HHIP: variants seen among roughly 807,000 people sequenced by gnomAD.
The protein encoded by HHIP is hedgehog interacting protein, also known as hedgehog-interacting protein.
In HHIP, 12 loss-of-function variants were observed where a neutral mutation model predicts 74.0. The observed-to-expected ratio is 0.16, with a 90% CI of 0.10 to 0.26. The LOEUF (loss-of-function observed/expected upper bound fraction) is 0.26, where lower values mean the gene tolerates loss of function less well. Among genes scored for constraint, HHIP ranks in the 10% least tolerant of loss-of-function variants. The pLI is 1.00. For synonymous variants in HHIP, 309 were observed against 311.6 expected (o/e 0.99, Z 0.09); for missense variants, 788 against 845.0 (o/e 0.93, Z 0.84).
intron 4 of HHIP, among the ~76,000 whole-genome samples, chr4:144,671,332 T>C (rs1032853235): frequency 1.4e-5 from 2 of 142,728 alleles, no homozygotes; most frequent in Non-Finnish European, 3.1e-5. Context: ...TTTTTTTTTT[T>C]CTTAAGATTT....
intron 4 of HHIP, among the ~76,000 whole-genome samples, chr4:144,688,942 T>C (rs1311886170): frequency 6.6e-6 from 1 of 152,196 alleles, no homozygotes; most frequent in Non-Finnish European, 1.5e-5. Context: ...CTAGGGACGA[T>C]GCCATACCAG....
chr4:144,660,938 A>G (rs1728695780), intron 4 of HHIP, among the ~76,000 whole-genome samples: 1 of 152,200 alleles, frequency 6.6e-6, no homozygotes, highest in Non-Finnish European at 1.5e-5. Flanking sequence ...ATATTTTCAG[A>G]TATTTGAGAA....
At chr4:144,729,778 A>C (rs1196881781) in intron 11 of HHIP, among the ~76,000 whole-genome samples, 1 of 151,192 alleles carries the variant, frequency 6.6e-6, no homozygotes, top group Non-Finnish European at 1.5e-5. Flanking sequence ...GACAGGCTAC[A>C]GAATTATTAC....
At position 144,691,906 on chromosome 4, in the gene HHIP, AT is replaced by A. The variant is rs111896944; in HGVS notation, c.832-14621del. 7.3e-3 allele frequency among the ~76,000 whole-genome samples: 1,104 copies of A among 151,554 alleles called. 18 individuals carry two copies. Among genetic ancestry groups the A allele is most frequent in the African/African-American group, 0.025 (1,030 of 41,476 alleles). ...GAAACTACCAAAATAGAAAAAAAAA[AT>A]TTTCCTATTAAAATGGAAAAAGTCT... On this transcript the variant is annotated intron_variant, in intron 4 of 12. Transcript: ENST00000296575.
Position 144,646,926 on chromosome 4 carries a change from G to T in HHIP, c.251G>T (p.Ser84Ile), listed in dbSNP as rs1291218410. ...PRLSCCLRSD[S>I]PGLGRLENKI... ...CTGTCCTGCTGCCTGCGGAGTGACA[G>T]CCCGGGGCTAGGGCGCCTGGAGAAT... is the stretch of plus-strand genomic sequence containing the variant. The change falls in exon 1 of 13, where the codon AGC becomes ATC. Residue 84 changes from serine to isoleucine, a missense_variant. By Grantham distance (142) the Ser-to-Ile change is moderately radical. Transcript: ENST00000296575. 1 of 1,612,812 alleles carries T rather than the reference G, an allele frequency of 6.2e-7. No individual in the cohort carries two copies. Among genetic ancestry groups the T allele is most frequent in the South Asian group, 1.1e-5 (1 of 90,990 alleles).
chr4:144,714,697 T>C (rs998987333), intron 9 of HHIP, among the ~76,000 whole-genome samples: 9 of 152,200 alleles, frequency 5.9e-5, no homozygotes, highest in African/African-American at 2.2e-4. Context: ...TGTATAAATA[T>C]TTTAAAAATT....
At chr4:144,710,685 C>T (rs1362764773) in intron 7 of HHIP, among the ~76,000 whole-genome samples, 1 of 152,066 alleles carries the variant, frequency 6.6e-6, no homozygotes, top group African/African-American at 2.4e-5. Context: ...TGTCTGGGAA[C>T]ATTTTTGGTT....
chr4:144,685,117 A>G (rs935901977), intron 4 of HHIP, among the ~76,000 whole-genome samples: 1 of 152,156 alleles, frequency 6.6e-6, no homozygotes, highest in Non-Finnish European at 1.5e-5. Flanking sequence ...GATCATACCA[A>G]TATCATTTTC....
intron 4 of HHIP, among the ~76,000 whole-genome samples, chr4:144,664,196 T>A (rs971625494): frequency 6.6e-6 from 1 of 152,206 alleles, no homozygotes; most frequent in Admixed American, 6.5e-5. Context: ...TTAGAAGCAG[T>A]CCTTTAACCA....
rs201925393 is a variant in HHIP at position 144,658,860 on chromosome 4, A to T, written c.543A>T (p.Pro181=). 1.2e-6 allele frequency: 2 copies of T among 1,613,734 alleles called. No homozygotes were observed. Among genetic ancestry groups the T allele is most frequent in the Non-Finnish European group, 1.7e-6 (2 of 1,179,810 alleles). ...GAAAAGATGGTGGGTTGTGCTTTCCAGATTTTCCAAGAAAACAAGTCAGAG... is the reference window on the plus strand; with the variant it reads ...GAAAAGATGGTGGGTTGTGCTTTCCTGATTTTCCAAGAAAACAAGTCAGAG... ...YARKDGGLCF[P]DFPRKQVRGP... The change falls in exon 3 of 13, where the codon CCA becomes CCT. Residue 181 remains proline, a synonymous_variant. Transcript: ENST00000296575.
chr4:144,668,834 C>A (rs1008079132), intron 4 of HHIP, among the ~76,000 whole-genome samples: 1 of 152,006 alleles, frequency 6.6e-6, no homozygotes, highest in Non-Finnish European at 1.5e-5. Flanking sequence ...TACAGTAGAC[C>A]CTCTTTCTAT....
At chr4:144,671,972 A>G (rs372076910) in intron 4 of HHIP, among the ~76,000 whole-genome samples, 2 of 152,294 alleles carry the variant, frequency 1.3e-5, no homozygotes, top group South Asian at 2.1e-4. Flanking sequence ...CAACACTTCA[A>G]GACTCCATCA....
chr4:144,652,663 C>T lies in HHIP; in HGVS notation c.338C>T (p.Ala113Val). The change falls in exon 2 of 13, where the codon GCA (alanine) becomes GTA (valine). Residue 113 changes from alanine to valine, a missense_variant. Physicochemically the swap from Ala to Val is moderately conservative, Grantham distance 64. Transcript: ENST00000296575. ...AAGTTACTGGAGGAAATCAAATGTG[C>T]ACTTTGCTCTCCACATTCTCAAAGC... ...CGKLLEEIKC[A>V]LCSPHSQSLF... is the part of the protein sequence containing the mutation. 2 of 1,609,888 alleles carry T rather than the reference C, an allele frequency of 1.2e-6. No individual in the cohort carries two copies. The highest frequency in any genetic ancestry group is 1.7e-6 in the Non-Finnish European group (2 of 1,176,588).
Position 144,646,777 on chromosome 4 carries a change from AAGG to A in HHIP, c.108_110del (p.Arg38del), listed in dbSNP as rs776584343. 1.7e-4 allele frequency: 270 copies of A among 1,614,188 alleles called. 1 individual carries two copies. The South Asian group carries it at 2.7e-3, about 16-fold the overall frequency. ...GGGAAAGAAACGAAGGGAGCGGAGC[AAGG>A]AGGAGAAGGTGCCTGAATGGGAACC... is the stretch of plus-strand genomic sequence containing the variant. On this transcript the variant is annotated inframe_deletion, in exon 1 of 13. Coordinates refer to ENST00000296575, the MANE Select transcript of HHIP (RefSeq NM_022475.3).
chr4:144,711,988 A>G lies in HHIP; in HGVS notation c.1340A>G (p.Asn447Ser), dbSNP rs200734620. The change falls in exon 8 of 13, where the codon AAT (asparagine) becomes AGT (serine). Residue 447 changes from asparagine to serine, a missense_variant. Asn to Ser is a conservative substitution (Grantham distance 46). Coordinates refer to ENST00000296575, the MANE Select transcript of HHIP (RefSeq NM_022475.3). ...AGACATCCCACTGATATAAACATCAATTTAACGATACTGTGTTCAGACTCC... is the reference window on the plus strand; with the variant it reads ...AGACATCCCACTGATATAAACATCAGTTTAACGATACTGTGTTCAGACTCC... ...VDRHPTDINI[N>S]LTILCSDSNG... 7 of 1,612,024 alleles carry G rather than the reference A, an allele frequency of 4.3e-6. No homozygotes were observed. In the South Asian group the frequency reaches 4.4e-5, roughly 10 times the overall value.
chr4:144,667,697 C>CT (rs1728915265), intron 4 of HHIP, among the ~76,000 whole-genome samples: 1 of 152,204 alleles, frequency 6.6e-6, no homozygotes, highest in South Asian at 2.1e-4. Flanking sequence ...CTACAGCAAC[C>CT]TTTCAGCAGC....
intron 4 of HHIP, among the ~76,000 whole-genome samples, chr4:144,690,365 A>G (rs1260773640): frequency 6.6e-6 from 1 of 152,160 alleles, no homozygotes; most frequent in East Asian, 1.9e-4. Context: ...TGATGGTAGT[A>G]TGGTGTCCTA....
chr4:144,684,232 A>ATTTTTTTTTTTTTTTT lies in HHIP; in HGVS notation c.832-22270_832-22255dup. ...ATGAAAAATACAAAAAAAAAAAAGAATTTTTTTTTTTTTTTTTTTTTTTTT... is the reference window on the plus strand; with the variant it reads ...ATGAAAAATACAAAAAAAAAAAAGAATTTTTTTTTTTTTTTTTTTTTTTTTTTTTTTTTTTTTTTTT... On this transcript the variant is annotated intron_variant, in intron 4 of 12. Coordinates refer to ENST00000296575, the MANE Select transcript of HHIP (RefSeq NM_022475.3). Among the ~76,000 whole-genome samples, 2 of 62,928 alleles carry ATTTTTTTTTTTTTTTT rather than the reference A, an allele frequency of 3.2e-5. 1 individual carries two copies. Among genetic ancestry groups the ATTTTTTTTTTTTTTTT allele is most frequent in the Non-Finnish European group, 6.2e-5 (2 of 32,068 alleles). 41.3% of individuals were successfully genotyped at this position (62,928 alleles called of 152,430 possible). A position where few individuals can be genotyped will look rare whatever the true frequency, so the allele number is the denominator to read the frequency against.
At chr4:144,680,053 G>A (rs1213056100) in intron 4 of HHIP, among the ~76,000 whole-genome samples, 3 of 152,012 alleles carry the variant, frequency 2.0e-5, no homozygotes, top group South Asian at 2.1e-4. Context: ...AAACATGTTC[G>A]TGAAATTAAT....
Sources: allele counts gnomAD v4.1 joint callset (sites outside exome capture counted in the v4.1 genomes callset), GRCh38; gene constraint gnomAD v4.1.1; transcripts MANE v1.5; gene names NCBI Gene and HGNC (gene_info 2026-07-23, HGNC 2026-07-21).